ZRANB3: variants seen among roughly 807,000 people sequenced by gnomAD.
ZRANB3 encodes zinc finger RANBP2-type containing 3.
ZRANB3 carries 125 observed loss-of-function variants against 133.8 expected under a neutral mutation model. The observed-to-expected ratio is 0.93, with a 90% CI of 0.81 to 1.08. The LOEUF is 1.08. Among genes scored for constraint, ZRANB3 ranks in the 50% least tolerant of loss-of-function variants. ZRANB3 has a pLI of 0.00. For synonymous variants in ZRANB3, 387 were observed against 432.7 expected (o/e 0.89, Z 1.31); for missense variants, 1,229 against 1,275.5 (o/e 0.96, Z 0.56).
At chr2:135,490,718 A>C (rs569251662) in intron 2 of ZRANB3, among the ~76,000 whole-genome samples, 13 of 152,332 alleles carry the variant, frequency 8.5e-5, no homozygotes, top group Admixed American at 7.8e-4. Flanking sequence ...CTCAATAGCC[A>C]AAATGTGTAA....
intron 3 of ZRANB3, among the ~76,000 whole-genome samples, chr2:135,361,343 T>C (rs1685686379): frequency 6.6e-6 from 1 of 152,200 alleles, no homozygotes; most frequent in African/African-American, 2.4e-5. Context: ...TTAAATAGAA[T>C]ACATTAACCT....
chr2:135,202,999 T>C (rs1242411082), intron 19 of ZRANB3, 36 bp from the exon 20 acceptor site: 3 of 1,600,558 alleles, frequency 1.9e-6, no homozygotes, highest in Non-Finnish European at 8.5e-7. Flanking sequence ...ATTTTCAACA[T>C]ATACTGCAAG....
At chr2:135,385,685 C>G (rs1448001179) in intron 3 of ZRANB3, among the ~76,000 whole-genome samples, 2 of 152,140 alleles carry the variant, frequency 1.3e-5, no homozygotes, top group African/African-American at 4.8e-5. Context: ...AATAACACCA[C>G]ACATCTGCAA....
chr2:135,202,815 A>G lies in ZRANB3; in HGVS notation c.3141+17T>C. 1.2e-6 allele frequency: 2 copies of G among 1,600,254 alleles called. No individual in the cohort carries two copies. Among genetic ancestry groups the G allele is most frequent in the Non-Finnish European group, 8.5e-7 (1 of 1,172,990 alleles). ...CTTCTCAGGATGCAGTCAAAGCTAT[A>G]TGAGAGCTTCACTGACCTCTTTGTG... On this transcript the variant is annotated intron_variant, in intron 20 of 20. Transcript: ENST00000264159.
At chr2:135,346,441 T>A (rs1257196171) in intron 5 of ZRANB3, among the ~76,000 whole-genome samples, 2 of 152,168 alleles carry the variant, frequency 1.3e-5, no homozygotes, top group African/African-American at 4.8e-5. Flanking sequence ...AACAACTTCA[T>A]ATAACTGTGT....
At chr2:135,245,681 C>T (rs1695757522) in intron 12 of ZRANB3, among the ~76,000 whole-genome samples, 1 of 151,328 alleles carries the variant, frequency 6.6e-6, no homozygotes, top group South Asian at 2.1e-4. Context: ...AATCCCAGCA[C>T]TTCGGGAGGC....
At chr2:135,209,778 T>C (rs2105041840) in intron 17 of ZRANB3, among the ~76,000 whole-genome samples, 1 of 152,366 alleles carries the variant, frequency 6.6e-6, no homozygotes, top group South Asian at 2.1e-4. Flanking sequence ...CATGAATTTC[T>C]TAATATTATT....
chr2:135,230,363 T>A, intron 13 of ZRANB3, 150 bp downstream of exon 13: 1 of 588,516 alleles, frequency 1.7e-6, no homozygotes, highest in Non-Finnish European at 2.6e-6. Context: ...ATAAATTCAG[T>A]CTTCACTATA....
chr2:135,227,718 C>G (rs1227123919), intron 14 of ZRANB3, 94 bp downstream of exon 14: 6 of 1,288,062 alleles, frequency 4.7e-6, no homozygotes, highest in Middle Eastern at 1.9e-4. Context: ...TAAAAGGAAC[C>G]TGGAACAAGG....
At chr2:135,292,363 T>C (rs2104796142) in intron 8 of ZRANB3, among the ~76,000 whole-genome samples, 1 of 152,334 alleles carries the variant, frequency 6.6e-6, no homozygotes, top group Non-Finnish European at 1.5e-5. Flanking sequence ...TGAGCATTTT[T>C]TCATGTGTCT....
chr2:135,231,383 T>TA (rs1319099431), intron 12 of ZRANB3, among the ~76,000 whole-genome samples: 1 of 152,122 alleles, frequency 6.6e-6, no homozygotes, highest in Non-Finnish European at 1.5e-5. Flanking sequence ...ATCAAGGACC[T>TA]AAAAAAATGC....
rs555506525 is a variant in ZRANB3 at position 135,428,972 on chromosome 2, T to C, written c.162-38152A>G. ...TAGTTCAGCCACTGTGGAAAGCACT[T>C]TGGAGATTTCTCAAAGTACTTAAAA... On this transcript the variant is annotated intron_variant, in intron 2 of 20. Coordinates refer to ENST00000264159, the MANE Select transcript of ZRANB3 (RefSeq NM_032143.4). Among the ~76,000 whole-genome samples the C allele has an allele frequency of 2.2e-4, 33 of 152,332 alleles. No homozygotes were observed. In the South Asian group the frequency reaches 5.8e-3, roughly 27 times the overall value.
intron 8 of ZRANB3, among the ~76,000 whole-genome samples, chr2:135,300,164 A>C (rs1407857292): frequency 6.6e-6 from 1 of 152,240 alleles, no homozygotes; most frequent in Non-Finnish European, 1.5e-5. Flanking sequence ...TTCATACTGC[A>C]TACATTTATG....
chr2:135,405,124 G>A (rs1687946612), intron 2 of ZRANB3, among the ~76,000 whole-genome samples: 1 of 151,808 alleles, frequency 6.6e-6, no homozygotes. Context: ...GATGGAGGAA[G>A]ATCTACCAAG....
chr2:135,257,687 A>G (rs1679729334), intron 12 of ZRANB3, among the ~76,000 whole-genome samples: 1 of 152,208 alleles, frequency 6.6e-6, no homozygotes, highest in South Asian at 2.1e-4. Context: ...ATGTTTATAT[A>G]ATGAATGATC....
At chr2:135,338,456 G>T (rs1684468799) in intron 6 of ZRANB3, among the ~76,000 whole-genome samples, 1 of 152,192 alleles carries the variant, frequency 6.6e-6, no homozygotes, top group Non-Finnish European at 1.5e-5. Flanking sequence ...ATGCAAAGTG[G>T]ACACCACAGT....
intron 9 of ZRANB3, among the ~76,000 whole-genome samples, chr2:135,272,229 T>C (rs1217851918): frequency 1.3e-5 from 2 of 152,136 alleles, no homozygotes; most frequent in East Asian, 1.9e-4. Context: ...TCTACGTAAA[T>C]TGACACGCAA....
At position 135,204,639 on chromosome 2, in the gene ZRANB3, C is replaced by CA. The variant is rs1048256026; in HGVS notation, c.3010-1677dup. 2.8e-3 allele frequency among the ~76,000 whole-genome samples: 221 copies of CA among 80,224 alleles called. 3 individuals carry two copies. Among genetic ancestry groups the CA allele is most frequent in the African/African-American group, 0.01 (172 of 16,402 alleles). The allele number at this position is 80,224 out of a possible 152,430, so 52.6% of individuals were successfully genotyped here. A position where few individuals can be genotyped will look rare whatever the true frequency, so the allele number is the denominator to read the frequency against. ...CACAGTGAGATCCCAGACCCAATCTCAAAAAAAAAAAATATATATATATAC... is the reference window on the plus strand; with the variant it reads ...CACAGTGAGATCCCAGACCCAATCTCAAAAAAAAAAAAATATATATATATAC... On this transcript the variant is annotated intron_variant, in intron 19 of 20. Transcript: ENST00000264159.
intron 8 of ZRANB3, among the ~76,000 whole-genome samples, chr2:135,285,603 G>A (rs191822315): frequency 6.6e-6 from 1 of 152,342 alleles, no homozygotes; most frequent in Admixed American, 6.5e-5. Context: ...TAAGGAAAAC[G>A]TGTTTAAAGT....
Sources: allele counts gnomAD v4.1 joint callset (sites outside exome capture counted in the v4.1 genomes callset), GRCh38; gene constraint gnomAD v4.1.1; transcripts MANE v1.5; gene names NCBI Gene and HGNC (gene_info 2026-07-23, HGNC 2026-07-21).